The following LDAH variants were observed in gnomAD, a reference collection of about 807,000 sequenced individuals.
LDAH encodes the protein lipid droplet associated hydrolase, also known as lipid droplet-associated hydrolase.
Under a neutral mutation model 29.6 loss-of-function variants are expected in LDAH, and 26 were observed. The observed-to-expected ratio is 0.88, with a 90% CI of 0.64 to 1.22. LDAH has a LOEUF of 1.22. LDAH is among the 50% of genes most tolerant of loss of function. The pLI is 0.00. For synonymous variants in LDAH, 117 were observed against 133.0 expected, an observed-to-expected ratio of 0.88 and a Z score of 0.83; for missense variants, 344 against 387.3, an observed-to-expected ratio of 0.89 and a Z score of 0.94.
At chr2:20,765,185 T>C (rs1668944287) in intron 4 of LDAH, among the ~76,000 whole-genome samples, 2 of 152,178 alleles carry the variant, frequency 1.3e-5, no homozygotes, top group South Asian at 4.1e-4. Flanking sequence ...CAACAAAAGT[T>C]CCTATTTGTC....
intron 3 of LDAH, among the ~76,000 whole-genome samples, chr2:20,782,484 T>C (rs114679857): frequency 6.6e-6 from 1 of 152,346 alleles, no homozygotes; most frequent in African/African-American, 2.4e-5. Flanking sequence ...TATTGACCTA[T>C]ACTTTTCTTG....
intron 1 of LDAH, among the ~76,000 whole-genome samples, chr2:20,820,858 C>T: frequency 2.2e-5 from 3 of 134,688 alleles, no homozygotes; most frequent in Non-Finnish European, 3.2e-5. Flanking sequence ...ATTTTTGCAA[C>T]CTACTCATCT....
At chr2:20,765,685 C>A (rs1668982553) in intron 4 of LDAH, among the ~76,000 whole-genome samples, 2 of 152,034 alleles carry the variant, frequency 1.3e-5, no homozygotes, top group Non-Finnish European at 2.9e-5. Flanking sequence ...GCTGGAAGAC[C>A]CGAGAAGGTT....
chr2:20,780,505 T>C (rs1289756817), intron 3 of LDAH, among the ~76,000 whole-genome samples: 3 of 152,130 alleles, frequency 2.0e-5, no homozygotes, highest in African/African-American at 7.2e-5. Context: ...GAAAAAGCCA[T>C]GAGTTCTGTG....
At chr2:20,727,597 T>G (rs1167682358) in intron 5 of LDAH, among the ~76,000 whole-genome samples, 1 of 152,202 alleles carries the variant, frequency 6.6e-6, no homozygotes, top group Non-Finnish European at 1.5e-5. Flanking sequence ...TTGGCCTAAC[T>G]AACGAAAAGA....
At chr2:20,739,231 T>C (rs917696537) in intron 5 of LDAH, among the ~76,000 whole-genome samples, 1 of 152,192 alleles carries the variant, frequency 6.6e-6, no homozygotes, top group East Asian at 1.9e-4. Flanking sequence ...TGGAGGTCGG[T>C]TATAAATAAA....
chr2:20,799,316 G>A (rs1016698804), intron 2 of LDAH, among the ~76,000 whole-genome samples: 8 of 152,066 alleles, frequency 5.3e-5, no homozygotes, highest in Non-Finnish European at 1.0e-4. Flanking sequence ...ACATCTGTTG[G>A]AACTAGAAAA....
At chr2:20,773,997 C>T (rs916636263) in intron 4 of LDAH, among the ~76,000 whole-genome samples, 14 of 152,274 alleles carry the variant, frequency 9.2e-5, no homozygotes, top group African/African-American at 2.9e-4. Flanking sequence ...CCAGGCTCTC[C>T]TACTTCAAAG....
intron 4 of LDAH, among the ~76,000 whole-genome samples, chr2:20,772,012 A>G (rs1669468387): frequency 6.6e-6 from 1 of 152,226 alleles, no homozygotes; most frequent in African/African-American, 2.4e-5. Flanking sequence ...CAATAATTAG[A>G]AAGTTATGAT....
In LDAH at chr2:20,685,625, C is replaced by A; in HGVS notation, c.*1278G>T. The A allele has an allele frequency of 6.5e-7, 1 of 1,550,314 alleles. No homozygotes were observed. Among genetic ancestry groups the A allele is most frequent in the South Asian group, 1.2e-5 (1 of 84,028 alleles). On this transcript the variant is annotated 3_prime_UTR_variant, in exon 7 of 7. Coordinates refer to ENST00000237822, the MANE Select transcript of LDAH (RefSeq NM_021925.4). ...TTGAGCGGAGGGACATCTCATTGTC[C>A]TTAGGGAATGATAATGCCATGAGGG...
intron 5 of LDAH, among the ~76,000 whole-genome samples, chr2:20,735,342 T>G (rs146636040): frequency 6.6e-6 from 1 of 152,256 alleles, no homozygotes; most frequent in African/African-American, 2.4e-5. Flanking sequence ...TATTGGATAA[T>G]TTCTATTAAT....
At chr2:20,700,937 G>A (rs1471365038) in intron 6 of LDAH, among the ~76,000 whole-genome samples, 1 of 152,118 alleles carries the variant, frequency 6.6e-6, no homozygotes, top group Non-Finnish European at 1.5e-5. Flanking sequence ...TATTAGTACA[G>A]TTCTGTCCTA....
At chr2:20,707,691 T>A (rs934621323) in intron 5 of LDAH, among the ~76,000 whole-genome samples, 60 of 152,276 alleles carry the variant, frequency 3.9e-4, no homozygotes, top group African/African-American at 1.4e-3. Context: ...TCTGAAAGAA[T>A]TAGAGGGAAT....
intron 6 of LDAH, among the ~76,000 whole-genome samples, chr2:20,690,834 A>G (rs1435337134): frequency 6.6e-6 from 1 of 152,188 alleles, no homozygotes; most frequent in Admixed American, 6.6e-5. Context: ...ATGGGCCGAG[A>G]GCAATGGCCA....
intron 6 of LDAH, among the ~76,000 whole-genome samples, chr2:20,696,330 C>A (rs1315786288): frequency 2.0e-5 from 3 of 152,162 alleles, no homozygotes; most frequent in Admixed American, 2.0e-4. Context: ...GGGGAGAGAG[C>A]AATAGCAGAG....
intron 5 of LDAH, among the ~76,000 whole-genome samples, chr2:20,731,945 A>G (rs1303467298): frequency 6.6e-6 from 1 of 151,786 alleles, no homozygotes; most frequent in Non-Finnish European, 1.5e-5. Flanking sequence ...CAATCATGCC[A>G]TCTACAAACG....
intron 4 of LDAH, among the ~76,000 whole-genome samples, chr2:20,743,311 CTTT>C (rs56001378): frequency 3.8e-4 from 52 of 136,040 alleles, no homozygotes; most frequent in Admixed American, 1.1e-3. Flanking sequence ...TCCAAGTCCA[CTTT>C]TTTTTTTTTT....
At chr2:20,688,982 C>G (rs902313298) in intron 6 of LDAH, among the ~76,000 whole-genome samples, 1 of 151,962 alleles carries the variant, frequency 6.6e-6, no homozygotes, top group Non-Finnish European at 1.5e-5. Context: ...AATGCTATCC[C>G]TCCCCTACCC....
rs941904536 is a variant in LDAH at position 20,685,419 on chromosome 2, T to C, written c.*1484A>G. ...TGTACAGCCCTGTGCTTACGGCCTATGTATCTATTAGCTCTTCCCCTTGGG... is the reference window on the plus strand; with the variant it reads ...TGTACAGCCCTGTGCTTACGGCCTACGTATCTATTAGCTCTTCCCCTTGGG... On this transcript the variant is annotated 3_prime_UTR_variant, in exon 7 of 7. Coordinates refer to ENST00000237822, the MANE Select transcript of LDAH (RefSeq NM_021925.4). 16 of 1,200,512 alleles carry C rather than the reference T, an allele frequency of 1.3e-5. No individual in the cohort carries two copies. Among genetic ancestry groups the C allele is most frequent in the Middle Eastern group, 2.3e-4 (1 of 4,440 alleles). The allele number at this position is 1,200,512 out of a possible 1,614,324, so 74.4% of individuals were successfully genotyped here.
Sources: allele counts gnomAD v4.1 joint callset (sites outside exome capture counted in the v4.1 genomes callset), GRCh38; gene constraint gnomAD v4.1.1; transcripts MANE v1.5; gene names NCBI Gene and HGNC (gene_info 2026-07-23, HGNC 2026-07-21).